Variants in ANO3 observed in about 807,000 individuals in gnomAD.
ANO3 encodes anoctamin-3.
A neutral mutation model predicts 144.8 loss-of-function variants in ANO3; 99 were observed. The observed-to-expected ratio is 0.68, with a 90% confidence interval of 0.58 to 0.81. ANO3 has a LOEUF of 0.81. Ranked by LOEUF, ANO3 falls within the 30% of genes least tolerant of loss-of-function variation. The pLI is 0.00. For synonymous variants in ANO3, 414 were observed against 392.6 expected (o/e 1.05, Z -0.64); for missense variants, 905 against 1,202.2 (o/e 0.75, Z 3.66).
At chr11:26,207,730 G>GTTCATAAAATGTAGAACTCA (rs1554922676) in intron 1 of ANO3, among the ~76,000 whole-genome samples, 2 of 151,706 alleles carry the variant, frequency 1.3e-5, no homozygotes, top group Non-Finnish European at 2.9e-5. Flanking sequence ...CTAGATTACA[G>GTTCATAAAATGTAGAACTCA]TAAAACTGAC....
chr11:26,203,373 A>G (rs73439605), intron 1 of ANO3, among the ~76,000 whole-genome samples: 3,588 of 152,218 alleles, frequency 0.024, 165 homozygotes, highest in African/African-American at 0.083. Context: ...TTAAATTAGC[A>G]TAAGGTAGAG....
chr11:26,385,908 T>TATATATATATACAC (rs1310559300), intron 1 of ANO3, among the ~76,000 whole-genome samples: 1 of 149,372 alleles, frequency 6.7e-6, no homozygotes, highest in African/African-American at 2.5e-5. Flanking sequence ...TATATTTATA[T>TATATATATATACAC]ACATATTTAC....
At chr11:26,594,353 C>T (rs148767893) in intron 14 of ANO3, among the ~76,000 whole-genome samples, 229 of 152,286 alleles carry the variant, frequency 1.5e-3, no homozygotes, top group African/African-American at 5.0e-3. Flanking sequence ...ACCAAACTCT[C>T]GGGCTGCAGC....
chr11:26,394,929 TG>T (rs1261163091), intron 1 of ANO3, among the ~76,000 whole-genome samples: 1 of 152,166 alleles, frequency 6.6e-6, no homozygotes, highest in Non-Finnish European at 1.5e-5. Context: ...TCTACATGGT[TG>T]TTGATCTCAG....
chr11:26,221,781 C>T (rs1191391595), intron 1 of ANO3, among the ~76,000 whole-genome samples: 2 of 152,206 alleles, frequency 1.3e-5, no homozygotes, highest in Middle Eastern at 6.8e-3. Flanking sequence ...AGGTGCCACA[C>T]ACTTTAAACA....
chr11:26,505,855 C>T (rs1590430910), intron 4 of ANO3, among the ~76,000 whole-genome samples: 2 of 151,674 alleles, frequency 1.3e-5, no homozygotes, highest in African/African-American at 2.4e-5. Context: ...TGGTGGCGGG[C>T]GCCTGTACTG....
At chr11:26,241,485 A>G (rs1852663522) in intron 1 of ANO3, among the ~76,000 whole-genome samples, 1 of 152,168 alleles carries the variant, frequency 6.6e-6, no homozygotes, top group African/African-American at 2.4e-5. Flanking sequence ...ACACCTAGCA[A>G]CATATACTTT....
At chr11:26,438,122 C>A (rs1337887589) in intron 1 of ANO3, among the ~76,000 whole-genome samples, 1 of 152,058 alleles carries the variant, frequency 6.6e-6, no homozygotes, top group Non-Finnish European at 1.5e-5. Flanking sequence ...CAGTATTTTA[C>A]TCAATTGTTT....
intron 18 of ANO3, among the ~76,000 whole-genome samples, chr11:26,629,324 T>C (rs987478987): frequency 2.6e-5 from 4 of 152,162 alleles, no homozygotes; most frequent in Non-Finnish European, 5.9e-5. Flanking sequence ...TTTGTTGACT[T>C]CTCAGTCCTT....
At position 26,614,142 on chromosome 11, in the gene ANO3, G is replaced by C. The variant is rs549595885; in HGVS notation, c.1837-10320G>C. The stretch of plus-strand genomic sequence containing the variant: ...GTACATGAACATATGCAGGTGTTGG[G>C]GATGGGGGCTAGGCAGGTTGAAGCA... On this transcript the variant is annotated intron_variant, in intron 17 of 26. Coordinates refer to ENST00000256737, the MANE Select transcript of ANO3 (RefSeq NM_031418.4). Among the ~76,000 whole-genome samples, 3 of 152,298 alleles carry C rather than the reference G, an allele frequency of 2.0e-5. No homozygotes were observed. In the South Asian group the frequency reaches 6.2e-4, roughly 32 times the overall value.
At chr11:26,210,068 T>A (rs1851900995) in intron 1 of ANO3, among the ~76,000 whole-genome samples, 1 of 152,228 alleles carries the variant, frequency 6.6e-6, no homozygotes, top group African/African-American at 2.4e-5. Flanking sequence ...CCCATGCCTA[T>A]GTCCTGAATG....
chr11:26,511,736 A>G (rs1861674000), intron 5 of ANO3, among the ~76,000 whole-genome samples: 1 of 152,186 alleles, frequency 6.6e-6, no homozygotes, highest in Non-Finnish European at 1.5e-5. Context: ...AAAAATGAAT[A>G]GTAGCTAATG....
At chr11:26,455,929 A>G (rs1425081081) in intron 3 of ANO3, among the ~76,000 whole-genome samples, 2 of 152,030 alleles carry the variant, frequency 1.3e-5, no homozygotes, top group East Asian at 3.9e-4. Flanking sequence ...ATATATCTAC[A>G]ACTATCTGAT....
chr11:26,489,849 T>C (rs1860631026), intron 4 of ANO3, among the ~76,000 whole-genome samples: 1 of 152,200 alleles, frequency 6.6e-6, no homozygotes, highest in East Asian at 1.9e-4. Context: ...CTGTTGTATC[T>C]AGGAAGTAAC....
At chr11:26,298,150 A>T (rs1564954516) in intron 1 of ANO3, among the ~76,000 whole-genome samples, 1 of 152,202 alleles carries the variant, frequency 6.6e-6, no homozygotes, top group East Asian at 1.9e-4. Flanking sequence ...TTGTGAATTG[A>T]TGTAAGCTGG....
At chr11:26,617,573 A>G (rs1449159934) in intron 17 of ANO3, among the ~76,000 whole-genome samples, 1 of 152,240 alleles carries the variant, frequency 6.6e-6, no homozygotes, top group Non-Finnish European at 1.5e-5. Context: ...GGGAGAAACC[A>G]GAAGCTACCT....
intron 14 of ANO3, among the ~76,000 whole-genome samples, chr11:26,562,373 T>C (rs999836983): frequency 3.0e-4 from 45 of 151,992 alleles, no homozygotes; most frequent in African/African-American, 1.0e-3. Flanking sequence ...ACCAGAAGCA[T>C]TTAATTATTT....
upstream of ANO3, among the ~76,000 whole-genome samples, chr11:26,305,374 T>C (rs896224732): frequency 4.6e-5 from 7 of 152,100 alleles, no homozygotes; most frequent in Non-Finnish European, 1.0e-4. Flanking sequence ...CCAAAACTCA[T>C]TCAAGATGAC....
At chr11:26,273,814 GA>G (rs1250372946) in intron 1 of ANO3, among the ~76,000 whole-genome samples, 1 of 152,138 alleles carries the variant, frequency 6.6e-6, no homozygotes, top group Non-Finnish European at 1.5e-5. Context: ...AGATCATGAG[GA>G]AGAAGACATG....
Sources: gnomAD v4.1 joint callset for allele counts (sites outside exome capture counted in the v4.1 genomes callset) on GRCh38, gnomAD v4.1.1 for gene constraint, MANE v1.5 for transcripts, NCBI Gene and HGNC (gene_info 2026-07-23, HGNC 2026-07-21) for gene names.